FGFR1: variants seen among roughly 807,000 people sequenced by gnomAD.
The protein encoded by FGFR1 is FGFR1/PLAG1 fusion.
A neutral mutation model predicts 93.7 loss-of-function variants in FGFR1; 18 were observed. That is an observed-to-expected ratio of 0.19 (90% CI 0.13 to 0.28). The LOEUF (loss-of-function observed/expected upper bound fraction) is 0.28. Ranked by LOEUF, FGFR1 falls within the 10% of genes least tolerant of loss-of-function variation. The probability of loss-of-function intolerance (pLI) is 1.00; values close to 1 mark genes in which losing one functional copy is unlikely to be tolerated. For missense variants in FGFR1, 731 were observed against 1,080.4 expected, an observed-to-expected ratio of 0.68 and a Z score of 4.53; for synonymous variants, 448 against 429.3, an observed-to-expected ratio of 1.04 and a Z score of -0.54.
intron 1 of FGFR1, chr8:38,463,055 C>T (rs1056434673): frequency 1.3e-5 from 2 of 152,344 alleles, no homozygotes; most frequent in African/African-American, 2.4e-5. Context: ...CCAGTAAGCA[C>T]GAGCATACTC....
At chr8:38,418,146 A>C in intron 10 of FGFR1, 82 bp downstream of exon 10, 2 of 1,608,918 alleles carry the variant, frequency 1.2e-6, no homozygotes, top group South Asian at 2.2e-5. Context: ...ACCGCCCAGA[A>C]GGTGTTAGTA....
chr8:38,447,152 C>CACACACACACA, intron 2 of FGFR1, among the ~76,000 whole-genome samples: 1 of 140,198 alleles, frequency 7.1e-6, no homozygotes, highest in Non-Finnish European at 1.5e-5. Flanking sequence ...CACACACACA[C>CACACACACACA]CCCTGACAAA....
rs1482868825 is a variant in FGFR1, at chr8:38,415,997, C to A, written c.1727G>T (p.Arg576Leu). Residue 576 changes from arginine (R) to leucine (L), a missense_variant, in exon 13 of 18, where the codon CGG becomes CTG. Transcript: ENST00000447712. ...GCAGTATTCCAGCCCTGGGGGCCTC[C>A]GGGCCTGCAGGTACTCCCGCAGGTT... ...KGNLREYLQARRPPGLEYCYN... is the reference protein window; with the variant it reads ...KGNLREYLQALRPPGLEYCYN... 1 of 1,613,934 alleles carries A rather than the reference C, an allele frequency of 6.2e-7. No homozygotes were observed.
intron 2 of FGFR1, among the ~76,000 whole-genome samples, chr8:38,440,126 C>G (rs1425061051): frequency 1.3e-5 from 2 of 151,684 alleles, no homozygotes; most frequent in Non-Finnish European, 2.9e-5. Flanking sequence ...GGAATGTTTA[C>G]AGTCTTGGTA....
chr8:38,429,356 C>T lies in FGFR1; in HGVS notation c.358+326G>A, dbSNP rs1032116923. On this transcript the variant is annotated intron_variant, in intron 3 of 17. Coordinates refer to ENST00000447712, the MANE Select transcript of FGFR1 (RefSeq NM_023110.3). This position sits in a 1 kb window ranked among gnomAD's most constrained non-coding sequence, Gnocchi z 4.4. ...AGGGAGTGATGGAGTGGAAGCTGGC[C>T]GAGCACCACTTAGCCTCCTGGAGAT... The T allele has an allele frequency of 1.6e-6, 1 of 629,162 alleles. No individual in the cohort carries two copies. Among genetic ancestry groups the T allele is most frequent in the South Asian group, 1.4e-5 (1 of 71,536 alleles). 39.0% of individuals were successfully genotyped at this position (629,162 alleles called of 1,614,324 possible).
chr8:38,441,790 C>T (rs1182386576), intron 2 of FGFR1, among the ~76,000 whole-genome samples: 5 of 152,190 alleles, frequency 3.3e-5, no homozygotes, highest in Non-Finnish European at 7.4e-5. Flanking sequence ...GTGGTGAAGA[C>T]AGAAACTCCT....
rs138489552 is a variant in FGFR1 at position 38,428,395 on chromosome 8, G to GTCATCA, written c.393_398dup (p.Asp132_Asp133dup). Reference sequence around the variant, plus strand: ...CTGTTTCTTTCTCCTCTGAAGAGGAGTCATCATCATCATCATCATCCTCCG... The same window carrying GTCATCA: ...CTGTTTCTTTCTCCTCTGAAGAGGAGTCATCATCATCATCATCATCATCATCCTCCG... On this transcript the variant is annotated inframe_insertion, in exon 4 of 18. Coordinates refer to ENST00000447712, the MANE Select transcript of FGFR1 (RefSeq NM_023110.3). 3.1e-6 allele frequency: 5 copies of GTCATCA among 1,613,622 alleles called. No individual in the cohort carries two copies. The highest frequency in any genetic ancestry group is 4.5e-5 in the East Asian group (2 of 44,870).
intron 6 of FGFR1, among the ~76,000 whole-genome samples, chr8:38,425,706 C>T (rs1037090855): frequency 2.0e-5 from 3 of 152,350 alleles, no homozygotes; most frequent in Admixed American, 1.3e-4. Flanking sequence ...TGAGCCTATG[C>T]GCCTGTGCTC....
Position 38,418,380 on chromosome 8 carries a change from G to A in FGFR1, c.1285-7C>T, listed in dbSNP as rs2150680543. On this transcript the variant is annotated splice_region_variant and splice_polypyrimidine_tract_variant and intron_variant, in intron 9 of 17. Transcript: ENST00000447712. ...CACTGGAGTCAGCAGACACCTGCAA[G>A]GAAGAGTGGGGTCACCCTAGAGCAA... 6.2e-7 allele frequency: 1 copy of A among 1,613,236 alleles called. No homozygotes were observed. Among genetic ancestry groups the A allele is most frequent in the South Asian group, 1.1e-5 (1 of 91,002 alleles).
rs144895534 is a variant in FGFR1, at chr8:38,448,838, C to A, written c.91+8518G>T. ...GGCATGGTGGTGGGTGCCTGTAATC[C>A]CAGCTTCTCGGGAGGGTGAGGCAGA... On this transcript the variant is annotated intron_variant, in intron 2 of 17. Transcript: ENST00000447712. 4.3e-3 allele frequency among the ~76,000 whole-genome samples: 648 copies of A among 152,166 alleles called. 4 individuals are homozygous for A. Among genetic ancestry groups the A allele is most frequent in the African/African-American group, 0.014 (591 of 41,528 alleles).
chr8:38,424,420 C>G lies in FGFR1; in HGVS notation c.936+89G>C. On this transcript the variant is annotated intron_variant, in intron 7 of 17. Transcript: ENST00000447712. This position sits in a 1 kb window ranked among gnomAD's most constrained non-coding sequence, Gnocchi z 4.3. ...CGTGAGGAATGATCCCATTCGGGGGCAACTGAGCCTGCCCACAGGAACTTG... is the reference window on the plus strand; with the variant it reads ...CGTGAGGAATGATCCCATTCGGGGGGAACTGAGCCTGCCCACAGGAACTTG... 7.0e-7 allele frequency: 1 copy of G among 1,433,032 alleles called. No homozygotes were observed. The highest frequency in any genetic ancestry group is 9.8e-7 in the Non-Finnish European group (1 of 1,016,916). The allele number at this position is 1,433,032 out of a possible 1,614,324, so 88.8% of individuals were successfully genotyped here.
At chr8:38,434,543 T>C in intron 2 of FGFR1, 3 of 308,848 alleles carry the variant, frequency 9.7e-6, no homozygotes, top group Non-Finnish European at 1.3e-5. Flanking sequence ...CACAAGGAGA[T>C]TTTCTTATAG....
chr8:38,443,143 G>T (rs1391547626), intron 2 of FGFR1, among the ~76,000 whole-genome samples: 8 of 152,156 alleles, frequency 5.3e-5, no homozygotes, highest in African/African-American at 1.9e-4. Context: ...GTCAGGGAAG[G>T]TGAAATGGAT....
At chr8:38,422,210 C>G (rs1224074014) in intron 7 of FGFR1, 2 of 510,496 alleles carry the variant, frequency 3.9e-6, no homozygotes, top group Non-Finnish European at 7.1e-6. Context: ...ACTGGCCCAT[C>G]CGAGCATGCG....
chr8:38,415,812 A>C (rs780171629), intron 13 of FGFR1, 58 bp downstream of exon 13: 167 of 1,531,284 alleles, frequency 1.1e-4, no homozygotes, highest in Non-Finnish European at 1.4e-4. Flanking sequence ...AGGCTGGAAG[A>C]CTAGGGGGGC....
Position 38,426,386 on chromosome 8 carries a change from A to AATCCACGCCTTGTCCT in FGFR1, c.622-142_622-141insAGGACAAGGCGTGGAT. ...CCCAGGCTGCAGGGTTGGCTAGGAC[A>AATCCACGCCTTGTCCT]AGGCGTGGATTGCCCCCCTACCAGC... On this transcript the variant is annotated intron_variant, in intron 5 of 17. Transcript: ENST00000447712. The surrounding 1 kb of genome is among the most constrained non-coding windows in gnomAD (Gnocchi z 4.1). 8.1e-7 allele frequency: 1 copy of AATCCACGCCTTGTCCT among 1,240,024 alleles called. No individual in the cohort carries two copies. Among genetic ancestry groups the AATCCACGCCTTGTCCT allele is most frequent in the Non-Finnish European group, 1.2e-6 (1 of 856,820 alleles). The allele number at this position is 1,240,024 out of a possible 1,614,324, so 76.8% of individuals were successfully genotyped here.
chr8:38,450,846 G>A (rs1178876508), intron 2 of FGFR1, among the ~76,000 whole-genome samples: 1 of 152,194 alleles, frequency 6.6e-6, no homozygotes, highest in Non-Finnish European at 1.5e-5. Flanking sequence ...GCAGAAGCCG[G>A]AGCCAAGAAC....
rs528456436 is a variant in FGFR1, at chr8:38,459,110, G to A, written c.-88-1576C>T. ...AAAACTCCCCAGGGTCTTAAAGAAC[G>A]GATCATAGCTGTTAACATTTACCAA... On this transcript the variant is annotated intron_variant, in intron 1 of 17. Coordinates refer to ENST00000447712, the MANE Select transcript of FGFR1 (RefSeq NM_023110.3). The A allele has an allele frequency of 2.4e-4, 55 of 227,346 alleles. No individual in the cohort carries two copies. The highest frequency in any genetic ancestry group is 1.3e-3 in the Middle Eastern group (1 of 742). The allele number at this position is 227,346 out of a possible 1,614,324, so 14.1% of individuals were successfully genotyped here.
chr8:38,452,851 C>T (rs1190938088), intron 2 of FGFR1, among the ~76,000 whole-genome samples: 2 of 152,136 alleles, frequency 1.3e-5, no homozygotes, highest in Non-Finnish European at 2.9e-5. Flanking sequence ...GTGGCACGCG[C>T]CTGTAATCCC....
Sources: gnomAD v4.1 joint callset for allele counts (sites outside exome capture counted in the v4.1 genomes callset) on GRCh38, gnomAD v4.1.1 for gene constraint, Gnocchi (gnomAD v3.1) non-coding constraint, MANE v1.5 for transcripts, NCBI Gene and HGNC (gene_info 2026-07-23, HGNC 2026-07-21) for gene names.